Variants in PCYT1B observed in about 807,000 individuals in gnomAD.
The protein encoded by PCYT1B is choline-phosphate cytidylyltransferase B.
A neutral mutation model predicts 26.4 loss-of-function variants in PCYT1B; 10 were observed. The observed-to-expected ratio is 0.38, with a 90% confidence interval of 0.23 to 0.64. The LOEUF (loss-of-function observed/expected upper bound fraction) is 0.64, where lower values mean the gene tolerates loss of function less well. Among genes scored for constraint, PCYT1B ranks in the 30% least tolerant of loss-of-function variants. The pLI, the probability that PCYT1B is intolerant of heterozygous loss-of-function variation, is 0.56. For synonymous variants in PCYT1B, 131 were observed against 108.4 expected (o/e 1.21, Z -1.29); for missense variants, 161 against 292.7 (o/e 0.55, Z 3.28).
intron 1 of PCYT1B, among the ~76,000 whole-genome samples, chrX:24,661,653 C>T (rs773738437): frequency 8.1e-5 from 9 of 111,722 alleles, no homozygotes; most frequent in Non-Finnish European, 1.5e-4. Context: ...GTGGAAAACT[C>T]TATAGAACAA....
chrX:24,669,191 A>T (rs919121186), intron 1 of PCYT1B, among the ~76,000 whole-genome samples: 1 of 112,121 alleles, frequency 8.9e-6, no homozygotes, highest in African/African-American at 3.2e-5. Flanking sequence ...TTGTCCAAAT[A>T]GAATAGTCAC....
At chrX:24,659,665 A>G (rs7879364) in intron 1 of PCYT1B, among the ~76,000 whole-genome samples, 1,947 of 111,879 alleles carry the variant, frequency 0.017, 46 homozygotes, top group African/African-American at 0.061. Context: ...GACCAAAAGC[A>G]TGGTGCCAGC....
At position 24,564,349 on chromosome X, in the gene PCYT1B, GTTTTGTTT is replaced by G. The variant is rs1269134613; in HGVS notation, c.898-1852_898-1845del. Among the ~76,000 whole-genome samples, 52 of 98,315 alleles carry G rather than the reference GTTTTGTTT, an allele frequency of 5.3e-4. No homozygotes were observed. In the South Asian group the frequency reaches 7.8e-3, roughly 15 times the overall value. The allele number at this position is 98,315 out of a possible 115,157, so 85.4% of individuals were successfully genotyped here. ...TACAGTTCTGTTAAGTTTTTGTTTT[GTTTTGTTT>G]TTTTGTTTTTTTGTTTTTTGTTTTT... On this transcript the variant is annotated intron_variant, in intron 7 of 7. Coordinates refer to ENST00000379144, the MANE Select transcript of PCYT1B (RefSeq NM_004845.5).
rs777313507 is a variant in PCYT1B at position 24,595,830 on chromosome X, G to A, written c.335-5656C>T. ...TGGGAGGCAGAGTTTGCAGTGAGCCGAGATCACACCACTGCACTTCAGTCT... is the reference window on the plus strand; with the variant it reads ...TGGGAGGCAGAGTTTGCAGTGAGCCAAGATCACACCACTGCACTTCAGTCT... On this transcript the variant is annotated intron_variant, in intron 3 of 7. Coordinates refer to ENST00000379144, the MANE Select transcript of PCYT1B (RefSeq NM_004845.5). 1.0e-4 allele frequency among the ~76,000 whole-genome samples: 11 copies of A among 105,192 alleles called. No individual in the cohort carries two copies. The South Asian group carries it at 4.9e-3, about 47-fold the overall frequency. 91.3% of individuals were successfully genotyped at this position (105,192 alleles called of 115,157 possible).
chrX:24,567,440 T>A (rs777435818), intron 7 of PCYT1B, among the ~76,000 whole-genome samples: 40 of 112,269 alleles, frequency 3.6e-4, no homozygotes, highest in Non-Finnish European at 7.1e-4. Context: ...CAGTTTGTAA[T>A]GAGCTTCCTG....
At chrX:24,599,480 G>A (rs1924891204) in intron 3 of PCYT1B, among the ~76,000 whole-genome samples, 1 of 111,701 alleles carries the variant, frequency 9.0e-6, no homozygotes, top group Admixed American at 9.6e-5. Context: ...CCTCATTCTA[G>A]CAGTCAGTTA....
upstream of PCYT1B, among the ~76,000 whole-genome samples, chrX:24,648,682 C>T (rs766477843): frequency 3.7e-5 from 4 of 109,038 alleles, no homozygotes; most frequent in Non-Finnish European, 7.6e-5. Flanking sequence ...GTTAGAAATG[C>T]GAATTATTGG....
At chrX:24,583,547 G>A (rs969121075) in intron 5 of PCYT1B, among the ~76,000 whole-genome samples, 14 of 112,237 alleles carry the variant, frequency 1.2e-4, no homozygotes, top group Non-Finnish European at 2.3e-4. Flanking sequence ...CAACAATAGG[G>A]ATGCTGGATT....
intron 1 of PCYT1B, among the ~76,000 whole-genome samples, chrX:24,633,379 T>C (rs1926168472): frequency 9.1e-6 from 1 of 109,413 alleles, no homozygotes; most frequent in Non-Finnish European, 1.9e-5. Context: ...TATATACAAA[T>C]ATAATGTAAT....
At chrX:24,613,950 CAAAAAAAAAAAAAAAAAA>C (rs200062439) in intron 2 of PCYT1B, among the ~76,000 whole-genome samples, 35 of 77,167 alleles carry the variant, frequency 4.5e-4, no homozygotes, top group Admixed American at 1.5e-3. Context: ...AACAACCTGT[CAAAAAAAAAAAAAAAAAA>C]AAAAAAAAAA....
rs1923387935 is a variant in PCYT1B at position 24,560,891 on chromosome X, T to G, written c.*1402A>C. 1 of 111,718 alleles carries G rather than the reference T, an allele frequency of 9.0e-6. No homozygotes were observed. The highest frequency in any genetic ancestry group is 1.9e-5 in the Non-Finnish European group (1 of 53,151). 9.2% of individuals were successfully genotyped at this position (111,718 alleles called of 1,213,427 possible). A position where few individuals can be genotyped will look rare whatever the true frequency, so the allele number is the denominator to read the frequency against. ...CTATGCCTTAACTCTCCCTGCTCAT[T>G]TCGCACAGGTGACTAAGGAGCAGGA... On this transcript the variant is annotated 3_prime_UTR_variant, in exon 8 of 8. Coordinates refer to ENST00000379144, the MANE Select transcript of PCYT1B (RefSeq NM_004845.5).
At chrX:24,662,479 C>T (rs1160389636) in intron 1 of PCYT1B, among the ~76,000 whole-genome samples, 2 of 111,412 alleles carry the variant, frequency 1.8e-5, no homozygotes, top group South Asian at 3.8e-4. Context: ...GCCCCGGCAC[C>T]CTGATGACCT....
rs1211796564 is a variant in PCYT1B, at chrX:24,560,125, GTGAATCTATCTGCCC to G, written c.*2153_*2167del. 8.9e-6 allele frequency: 1 copy of G among 112,266 alleles called. No homozygotes were observed. The highest frequency in any genetic ancestry group is 1.9e-5 in the Non-Finnish European group (1 of 53,239). 9.3% of individuals were successfully genotyped at this position (112,266 alleles called of 1,213,427 possible). ...TCCAGAGTATAAGATTCAGGTAAAA[GTGAATCTATCTGCCC>G]TGGGCCATGGAGCAGGGGCACAAAG... On this transcript the variant is annotated 3_prime_UTR_variant, in exon 8 of 8. Coordinates refer to ENST00000379144, the MANE Select transcript of PCYT1B (RefSeq NM_004845.5).
chrX:24,665,909 T>G (rs980588164), intron 1 of PCYT1B, among the ~76,000 whole-genome samples: 2 of 110,309 alleles, frequency 1.8e-5, no homozygotes, highest in Non-Finnish European at 3.8e-5. Flanking sequence ...GCTGAGGAGT[T>G]GTAGAAGGTT....
chrX:24,559,014 C>G lies in PCYT1B; in HGVS notation c.*3279G>C, dbSNP rs1346358389. 1 of 112,090 alleles carries G rather than the reference C, an allele frequency of 8.9e-6. No individual in the cohort carries two copies. The highest frequency in any genetic ancestry group is 2.8e-4 in the East Asian group (1 of 3,575). The allele number at this position is 112,090 out of a possible 1,213,427, so 9.2% of individuals were successfully genotyped here. On this transcript the variant is annotated 3_prime_UTR_variant, in exon 8 of 8. Coordinates refer to ENST00000379144, the MANE Select transcript of PCYT1B (RefSeq NM_004845.5). ...TCACCTGTCAGGGGGTGAGTTAACACTTGAAAGGGAGCGGAAAATCGGCTG... is the reference window on the plus strand; with the variant it reads ...TCACCTGTCAGGGGGTGAGTTAACAGTTGAAAGGGAGCGGAAAATCGGCTG...
intron 1 of PCYT1B, among the ~76,000 whole-genome samples, chrX:24,655,130 T>C (rs752249355): frequency 8.9e-6 from 1 of 112,533 alleles, no homozygotes; most frequent in South Asian, 3.7e-4. Context: ...GTTTTTATAC[T>C]GAAAAATTTC....
intron 3 of PCYT1B, among the ~76,000 whole-genome samples, chrX:24,595,755 C>T (rs377160782): frequency 2.7e-5 from 3 of 110,225 alleles, no homozygotes; most frequent in East Asian, 5.7e-4. Context: ...GTGGTGCACG[C>T]CTGTAATTCC....
chrX:24,638,624 G>T (rs921378442), intron 1 of PCYT1B, among the ~76,000 whole-genome samples: 27 of 111,349 alleles, frequency 2.4e-4, no homozygotes, highest in African/African-American at 8.8e-4. Flanking sequence ...GTGATCTGAT[G>T]GGATAATTAT....
At chrX:24,589,010 A>G (rs1924464937) in intron 4 of PCYT1B, among the ~76,000 whole-genome samples, 1 of 111,232 alleles carries the variant, frequency 9.0e-6, no homozygotes, top group Admixed American at 9.6e-5. Context: ...TTCAATTCAT[A>G]TAATGACAAG....
Sources: allele counts gnomAD v4.1 joint callset (sites outside exome capture counted in the v4.1 genomes callset), GRCh38; gene constraint gnomAD v4.1.1; transcripts MANE v1.5; gene names NCBI Gene and HGNC (gene_info 2026-07-23, HGNC 2026-07-21).